The following PHF24 variants were observed in gnomAD, a reference collection of about 807,000 sequenced individuals.
PHF24 encodes PHD finger protein 24.
In PHF24, 25 loss-of-function variants were observed where a neutral mutation model predicts 42.6. The observed-to-expected ratio is 0.59, with a 90% CI of 0.43 to 0.82. The LOEUF (loss-of-function observed/expected upper bound fraction) is 0.82. Ranked by LOEUF, PHF24 falls within the 40% of genes least tolerant of loss-of-function variation. The pLI is 0.00. For synonymous variants in PHF24, 185 were observed against 204.8 expected (o/e 0.90, Z 0.83); for missense variants, 470 against 538.1 (o/e 0.87, Z 1.25).
chr9:34,767,430 C>T, the PHF24 span, among the ~76,000 whole-genome samples: 4 of 152,252 alleles, frequency 2.6e-5, no homozygotes, highest in Non-Finnish European at 4.4e-5. Context: ...CCCCCAGCCT[C>T]GCTGCTGCCT....
At chr9:34,696,923 C>A in the PHF24 span, among the ~76,000 whole-genome samples, 1 of 152,192 alleles carries the variant, frequency 6.6e-6, no homozygotes, top group African/African-American at 2.4e-5. Context: ...TTAATCCTAA[C>A]ATTGTCTGGA....
At chr9:34,726,600 G>A in the PHF24 span, 6 of 1,551,806 alleles carry the variant, frequency 3.9e-6, no homozygotes, top group South Asian at 1.2e-5. Flanking sequence ...GGGCCCCGGA[G>A]CACATCTGGC....
chr9:34,811,246 T>C, the PHF24 span, among the ~76,000 whole-genome samples: 4 of 152,344 alleles, frequency 2.6e-5, no homozygotes, highest in Non-Finnish European at 4.4e-5. Context: ...AGCAAGAATG[T>C]ACTCTTGCTT....
chr9:34,782,264 G>C, the PHF24 span, among the ~76,000 whole-genome samples: 1 of 152,120 alleles, frequency 6.6e-6, no homozygotes, highest in Non-Finnish European at 1.5e-5. Context: ...GTGATTTTGG[G>C]GTAAGTAGGG....
chr9:34,726,805 A>G, the PHF24 span: 1 of 1,551,776 alleles, frequency 6.4e-7, no homozygotes. Flanking sequence ...AAGACATACT[A>G]GACGTAGACA....
chr9:34,936,083 T>TCTCCCTCTCTTTCCA, the PHF24 span, among the ~76,000 whole-genome samples: 1 of 129,760 alleles, frequency 7.7e-6, no homozygotes, highest in African/African-American at 3.1e-5. Flanking sequence ...ACGGTCTCCC[T>TCTCCCTCTCTTTCCA]CTCCCTCTCT....
chr9:34,972,834 A>C (rs1827047745), intron 3 of PHF24, among the ~76,000 whole-genome samples: 1 of 151,262 alleles, frequency 6.6e-6, no homozygotes, highest in Non-Finnish European at 1.5e-5. Flanking sequence ...GAATCACTTA[A>C]ACCCAGGAGG....
the PHF24 span, among the ~76,000 whole-genome samples, chr9:34,811,352 T>C: frequency 2.0e-5 from 3 of 152,188 alleles, no homozygotes; most frequent in African/African-American, 7.2e-5. Context: ...TGGGGCCTAA[T>C]AGGTGATTAG....
chr9:34,808,961 G>C, the PHF24 span, among the ~76,000 whole-genome samples: 46,727 of 148,230 alleles, frequency 0.32, 8,041 homozygotes, highest in East Asian at 0.55. Context: ...TGGGTACAGC[G>C]CACCAGCATG....
the PHF24 span, among the ~76,000 whole-genome samples, chr9:34,748,668 CAAAAA>C: frequency 1.3e-5 from 2 of 152,062 alleles, no homozygotes; most frequent in African/African-American, 4.8e-5. Context: ...CTACAGTGAT[CAAAAA>C]CATAGTATCA....
the PHF24 span, among the ~76,000 whole-genome samples, chr9:34,950,696 T>C: frequency 6.6e-6 from 1 of 152,126 alleles, no homozygotes; most frequent in Non-Finnish European, 1.5e-5. Flanking sequence ...AACATGTGAA[T>C]TATATTTCGA....
At chr9:34,954,582 T>C (rs1826328692), upstream of PHF24, among the ~76,000 whole-genome samples, 1 of 152,228 alleles carries the variant, frequency 6.6e-6, no homozygotes, top group African/African-American at 2.4e-5. Flanking sequence ...TTTGGTGGCA[T>C]TCTGATTTCC....
chr9:34,860,367 G>A, the PHF24 span, among the ~76,000 whole-genome samples: 1 of 152,062 alleles, frequency 6.6e-6, no homozygotes, highest in African/African-American at 2.4e-5. Context: ...CATAGTTCTG[G>A]CATGATTTTA....
the PHF24 span, among the ~76,000 whole-genome samples, chr9:34,780,152 A>G: frequency 1.3e-5 from 2 of 152,198 alleles, no homozygotes; most frequent in Non-Finnish European, 2.9e-5. Context: ...ACGCTGTACA[A>G]AAAGTAACTC....
At chr9:34,936,532 C>T in the PHF24 span, among the ~76,000 whole-genome samples, 1 of 150,814 alleles carries the variant, frequency 6.6e-6, no homozygotes, top group African/African-American at 2.4e-5. Context: ...GGCCGCCCAT[C>T]GTCTGGGATG....
chr9:34,960,703 T>A lies in PHF24; in HGVS notation c.-5+2302T>A, dbSNP rs187337023. Among the ~76,000 whole-genome samples, 67 of 152,300 alleles carry A rather than the reference T, an allele frequency of 4.4e-4. 1 individual carries two copies. The highest frequency in any genetic ancestry group is 1.4e-3 in the African/African-American group (59 of 41,568). The stretch of plus-strand genomic sequence containing the variant: ...GACCCTGGAAAAATCACTAAATGGA[T>A]CCAGGCTCTCCCCTAATCTTGGACC... On this transcript the variant is annotated intron_variant, in intron 1 of 7. Coordinates refer to ENST00000242315, the Ensembl canonical transcript of PHF24.
At chr9:34,895,443 C>T in the PHF24 span, 1 of 397,218 alleles carries the variant, frequency 2.5e-6, no homozygotes, top group African/African-American at 2.1e-5. Flanking sequence ...GAATAATCAC[C>T]CAAATTGGGA....
At chr9:34,958,164 G>A (rs1310478099), upstream of PHF24, among the ~76,000 whole-genome samples, 1 of 147,474 alleles carries the variant, frequency 6.8e-6, no homozygotes, top group Non-Finnish European at 1.5e-5. This position sits in a 1 kb window ranked among gnomAD's most constrained non-coding sequence, Gnocchi z 4.5. Context: ...CCGGCCCAGG[G>A]CACCTCGCGC....
the PHF24 span, among the ~76,000 whole-genome samples, chr9:34,872,313 T>C: frequency 6.7e-6 from 1 of 149,082 alleles, no homozygotes; most frequent in Admixed American, 6.7e-5. Context: ...CCACTAACTC[T>C]TCATCTAGCA....
Sources: gnomAD v4.1 joint callset for allele counts (sites outside exome capture counted in the v4.1 genomes callset) on GRCh38, gnomAD v4.1.1 for gene constraint, Gnocchi (gnomAD v3.1) non-coding constraint, MANE v1.5 for transcripts, NCBI Gene and HGNC (gene_info 2026-07-23, HGNC 2026-07-21) for gene names.